The following TPH2 variants were observed in gnomAD, a reference collection of about 807,000 sequenced individuals.
The protein encoded by TPH2 is tryptophan hydroxylase 2.
TPH2 carries 27 observed loss-of-function variants against 59.1 expected under a neutral mutation model. The observed-to-expected ratio is 0.46, with a 90% confidence interval of 0.34 to 0.63. TPH2 has a LOEUF of 0.63. Ranked by LOEUF, TPH2 falls within the 30% of genes least tolerant of loss-of-function variation. The probability of loss-of-function intolerance (pLI) is 0.01; values close to 1 mark genes in which losing one functional copy is unlikely to be tolerated. For missense variants in TPH2, 523 were observed against 588.3 expected, an observed-to-expected ratio of 0.89 and a Z score of 1.15; for synonymous variants, 220 against 210.5, an observed-to-expected ratio of 1.05 and a Z score of -0.39.
At chr12:71,985,882 TA>T (rs1418586403) in intron 7 of TPH2, among the ~76,000 whole-genome samples, 1 of 152,180 alleles carries the variant, frequency 6.6e-6, no homozygotes, top group Non-Finnish European at 1.5e-5. Context: ...CTGCCCCATT[TA>T]TCAAGAGGAG....
At chr12:72,030,243 A>AAT (rs1301159875) in intron 9 of TPH2, among the ~76,000 whole-genome samples, 1 of 152,156 alleles carries the variant, frequency 6.6e-6, no homozygotes, top group African/African-American at 2.4e-5. Flanking sequence ...AGTATTTCTC[A>AAT]ATATATAGTT....
intron 7 of TPH2, among the ~76,000 whole-genome samples, chr12:71,982,810 A>G (rs1429864841): frequency 6.6e-6 from 1 of 152,260 alleles, no homozygotes; most frequent in African/African-American, 2.4e-5. Context: ...AGACCCAGGT[A>G]GAAATGAGCA....
At position 71,994,534 on chromosome 12, in the gene TPH2, C is replaced by T. The variant is rs1408336116; in HGVS notation, c.1037C>T (p.Ala346Val). The T allele has an allele frequency of 9.9e-6, 16 of 1,613,920 alleles. 1 individual carries two copies. In the South Asian group the frequency reaches 1.5e-4, roughly 16 times the overall value. ...GAAATAGGTCTGGCGTCTCTGGGAG[C>T]ATCAGATGAAGATGTTCAGAAACTA... ...SQEIGLASLG[A>V]SDEDVQKLAT... The change falls in exon 8 of 11, where the codon GCA becomes GTA. Residue 346 changes from alanine (A) to valine (V), a missense_variant. By Grantham distance (64) the Ala-to-Val change is moderately conservative. Transcript: ENST00000333850.
At chr12:71,939,928 CTG>C (rs1376271257) in intron 1 of TPH2, among the ~76,000 whole-genome samples, 1 of 152,176 alleles carries the variant, frequency 6.6e-6, no homozygotes, top group Non-Finnish European at 1.5e-5. Context: ...ATAGAATCAT[CTG>C]TTTTAATTTC....
At chr12:72,007,662 T>A (rs1240995742) in intron 8 of TPH2, among the ~76,000 whole-genome samples, 3 of 152,194 alleles carry the variant, frequency 2.0e-5, no homozygotes, top group Non-Finnish European at 4.4e-5. Flanking sequence ...TAGCAAAGTT[T>A]AAAAGTTCTC....
chr12:72,006,844 C>G (rs1182392136), intron 8 of TPH2, among the ~76,000 whole-genome samples: 1 of 152,218 alleles, frequency 6.6e-6, no homozygotes, highest in Middle Eastern at 3.4e-3. Flanking sequence ...TGATACTATA[C>G]AATCTTGTAG....
At chr12:72,005,111 G>A (rs1022164451) in intron 8 of TPH2, among the ~76,000 whole-genome samples, 4 of 152,140 alleles carry the variant, frequency 2.6e-5, no homozygotes, top group African/African-American at 7.2e-5. Context: ...CTGGGGAAAC[G>A]TCTCCTAGAA....
chr12:71,977,743 G>A (rs1251801688), intron 6 of TPH2, among the ~76,000 whole-genome samples: 2 of 152,040 alleles, frequency 1.3e-5, no homozygotes, highest in Non-Finnish European at 2.9e-5. Flanking sequence ...AGAACCTATC[G>A]ACGATGTTGA....
intron 7 of TPH2, among the ~76,000 whole-genome samples, chr12:71,986,575 T>G (rs1326468432): frequency 6.6e-6 from 1 of 152,094 alleles, no homozygotes; most frequent in Non-Finnish European, 1.5e-5. Context: ...TTTTGTTCTT[T>G]TAGACTGTTT....
chr12:71,949,727 T>C (rs527408393), intron 5 of TPH2, 72 bp downstream of exon 5: 3 of 1,298,658 alleles, frequency 2.3e-6, no homozygotes, highest in African/African-American at 1.5e-5. Flanking sequence ...AACAAACCTG[T>C]CATCTCTTCA....
chr12:71,990,583 T>C (rs1240541088), intron 7 of TPH2, among the ~76,000 whole-genome samples: 2 of 152,252 alleles, frequency 1.3e-5, no homozygotes, highest in African/African-American at 4.8e-5. Context: ...TGCTCTTTGT[T>C]TGAAGAGTTT....
chr12:71,956,381 T>C (rs1006554235), intron 5 of TPH2, among the ~76,000 whole-genome samples: 2 of 151,840 alleles, frequency 1.3e-5, no homozygotes, highest in Non-Finnish European at 2.9e-5. Context: ...GGGTACCACA[T>C]TCATTTAACT....
intron 2 of TPH2, 78 bp downstream of exon 2, chr12:71,941,811 T>C: frequency 2.8e-6 from 4 of 1,427,590 alleles, no homozygotes; most frequent in South Asian, 1.2e-5. Flanking sequence ...CTATGAAACA[T>C]TACTGAATCA....
intron 8 of TPH2, among the ~76,000 whole-genome samples, chr12:72,015,814 T>A (rs1873233359): frequency 6.6e-6 from 1 of 152,062 alleles, no homozygotes; most frequent in South Asian, 2.1e-4. Context: ...ATTTGCTAGA[T>A]CATGAAGAAG....
intron 8 of TPH2, among the ~76,000 whole-genome samples, chr12:71,997,456 AC>A (rs1351796165): frequency 6.6e-6 from 1 of 152,232 alleles, no homozygotes; most frequent in Non-Finnish European, 1.5e-5. Context: ...GAATACTCAT[AC>A]CTTGAAATCT....
intron 5 of TPH2, among the ~76,000 whole-genome samples, chr12:71,955,379 A>C (rs1871464426): frequency 6.6e-6 from 1 of 152,226 alleles, no homozygotes; most frequent in Non-Finnish European, 1.5e-5. Context: ...TTATTAAAAC[A>C]AGAATCAAAC....
At chr12:72,031,172 T>C (rs1592420348) in intron 9 of TPH2, 86 bp from the exon 10 acceptor site, 2 of 1,556,426 alleles carry the variant, frequency 1.3e-6, no homozygotes, top group Admixed American at 1.7e-5. Flanking sequence ...ATTACCGAGC[T>C]ATCAAATGTG....
At chr12:72,007,487 A>G (rs1392121385) in intron 8 of TPH2, among the ~76,000 whole-genome samples, 1 of 152,048 alleles carries the variant, frequency 6.6e-6, no homozygotes, top group Non-Finnish European at 1.5e-5. Context: ...GCTTCTTAGA[A>G]CTCCAGCCAG....
intron 7 of TPH2, among the ~76,000 whole-genome samples, chr12:71,992,193 G>A (rs888109134): frequency 2.0e-5 from 3 of 152,114 alleles, no homozygotes; most frequent in African/African-American, 7.2e-5. Context: ...AGCTATGTAC[G>A]CCCCAGCCCC....
Sources: gnomAD v4.1 joint callset for allele counts (sites outside exome capture counted in the v4.1 genomes callset) on GRCh38, gnomAD v4.1.1 for gene constraint, MANE v1.5 for transcripts, NCBI Gene and HGNC (gene_info 2026-07-23, HGNC 2026-07-21) for gene names.